ADH6: variants seen among roughly 807,000 people sequenced by gnomAD.
The protein encoded by ADH6 is alcohol dehydrogenase 6 (class V), also known as alcohol dehydrogenase 6.
Under a neutral mutation model 36.5 loss-of-function variants are expected in ADH6, and 34 were observed. The ratio of observed to expected loss-of-function variants is 0.93; its 90% confidence interval spans 0.71 to 1.24. The LOEUF (loss-of-function observed/expected upper bound fraction) is 1.24. Among genes scored for constraint, ADH6 ranks in the 50% most tolerant of loss-of-function variants. ADH6 has a pLI of 0.00. For missense variants in ADH6, 440 were observed against 447.0 expected (o/e 0.98, Z 0.14); for synonymous variants, 161 against 155.5 (o/e 1.04, Z -0.26).
intron 1 of ADH6, 114 bp from the exon 2 acceptor site, chr4:99,216,376 T>A: frequency 1.9e-6 from 1 of 520,548 alleles, no homozygotes; most frequent in Non-Finnish European, 3.1e-6. Flanking sequence ...CTTTCCGCAC[T>A]GCAGAAAAAA....
At chr4:99,213,496 C>T (rs1731297235) in intron 3 of ADH6, 110 bp downstream of exon 3, 5 of 1,069,082 alleles carry the variant, frequency 4.7e-6, no homozygotes, top group Admixed American at 2.9e-5. Context: ...AAGTTGGAAA[C>T]ATTTCACCTT....
rs184884270 is a variant in ADH6, at chr4:99,203,835, G to C, written c.*384C>G. On this transcript the variant is annotated 3_prime_UTR_variant, in exon 9 of 9. Coordinates refer to ENST00000394899, the MANE Select transcript of ADH6 (RefSeq NM_001102470.2). Reference sequence around the variant, plus strand: ...TAATGCGGAGTTTTGTTTCTTTAGAGTAAAATGGCAGAGTTTCATGTCTAG... The same window carrying C: ...TAATGCGGAGTTTTGTTTCTTTAGACTAAAATGGCAGAGTTTCATGTCTAG... 145 of 172,730 alleles carry C rather than the reference G, an allele frequency of 8.4e-4. 1 individual carries two copies. Among genetic ancestry groups the C allele is most frequent in the Non-Finnish European group, 8.3e-4 (68 of 82,112 alleles). The allele number at this position is 172,730 out of a possible 1,614,324, so 10.7% of individuals were successfully genotyped here.
At chr4:99,217,634 C>G (rs967364833) in intron 1 of ADH6, among the ~76,000 whole-genome samples, 1 of 152,092 alleles carries the variant, frequency 6.6e-6, no homozygotes, top group Non-Finnish European at 1.5e-5. Flanking sequence ...GGATACTTAA[C>G]GTTGATTCTA....
At chr4:99,204,873 C>A in intron 8 of ADH6, 52 bp downstream of exon 8, 2 of 1,555,132 alleles carry the variant, frequency 1.3e-6, no homozygotes, top group South Asian at 1.3e-5. Flanking sequence ...GCCAATACAC[C>A]CTTTCTCTTG....
chr4:99,216,332 G>A, intron 1 of ADH6, 70 bp from the exon 2 acceptor site: 6 of 911,766 alleles, frequency 6.6e-6, no homozygotes, highest in Non-Finnish European at 9.7e-6. Context: ...TGCTATATTA[G>A]TGATTATAGA....
chr4:99,207,250 A>C (rs1731066557), intron 7 of ADH6, among the ~76,000 whole-genome samples, 196 bp downstream of exon 7: 1 of 152,040 alleles, frequency 6.6e-6, no homozygotes, highest in Admixed American at 6.6e-5. Flanking sequence ...CTATCTTTGC[A>C]TGAGAAAAAG....
rs180863874 is a variant in ADH6, at chr4:99,210,508, A to G, written c.263-6T>C. ...GAGTGTGATAACTTTGTCACCTAAAAGAGCAAAATCATGTCTTATTAACAT... is the reference window on the plus strand; with the variant it reads ...GAGTGTGATAACTTTGTCACCTAAAGGAGCAAAATCATGTCTTATTAACAT... On this transcript the variant is annotated splice_polypyrimidine_tract_variant and splice_region_variant and intron_variant, in intron 3 of 8. Coordinates refer to ENST00000394899, the MANE Select transcript of ADH6 (RefSeq NM_001102470.2). 1.9e-6 allele frequency: 3 copies of G among 1,593,766 alleles called. No individual in the cohort carries two copies. Among genetic ancestry groups the G allele is most frequent in the Admixed American group, 3.4e-5 (2 of 59,398 alleles).
At chr4:99,209,428 A>G (rs1287329755) in intron 5 of ADH6, among the ~76,000 whole-genome samples, 1 of 151,854 alleles carries the variant, frequency 6.6e-6, no homozygotes, top group South Asian at 2.1e-4. Flanking sequence ...TTTCCATTCT[A>G]TCTCTCTGTA....
At chr4:99,209,795 A>G (rs1222970435) in intron 5 of ADH6, among the ~76,000 whole-genome samples, 1 of 152,178 alleles carries the variant, frequency 6.6e-6, no homozygotes, top group Non-Finnish European at 1.5e-5. Context: ...ATGAAAGGCC[A>G]CAGAGTCATG....
Position 99,208,722 on chromosome 4 carries a change from C to G in ADH6, c.774G>C (p.Met258Ile), listed in dbSNP as rs146063979. 9.3e-6 allele frequency: 15 copies of G among 1,613,732 alleles called. No homozygotes were observed. The highest frequency in any genetic ancestry group is 1.1e-5 in the Non-Finnish European group (13 of 1,179,798). The change falls in exon 6 of 9, where the codon ATG (methionine) becomes ATC (isoleucine). Residue 258 changes from methionine to isoleucine, a missense_variant. Transcript: ENST00000394899. Reference protein sequence around the residue: ...KKPIQEVLFDMTDAGIDFCFE... With the variant: ...KKPIQEVLFDITDAGIDFCFE... ...AGCAGAAGTCTATACCAGCATCTGT[C>G]ATATCAAATAAAACTTCTTGAATGG...
chr4:99,218,458 C>T (rs2110560909), intron 1 of ADH6, among the ~76,000 whole-genome samples: 1 of 152,288 alleles, frequency 6.6e-6, no homozygotes, highest in South Asian at 2.1e-4. Context: ...TATACCATTG[C>T]CATTTGAAAT....
intron 1 of ADH6, 97 bp downstream of exon 1, chr4:99,219,038 A>G: frequency 8.2e-7 from 1 of 1,213,542 alleles, no homozygotes; most frequent in Non-Finnish European, 1.2e-6. Flanking sequence ...CACCTTTAGG[A>G]GCCCAGAGAC....
chr4:99,213,310 A>G (rs535343870), intron 3 of ADH6, among the ~76,000 whole-genome samples: 1 of 152,282 alleles, frequency 6.6e-6, no homozygotes, highest in South Asian at 2.1e-4. Flanking sequence ...TAATTGTTCA[A>G]TAGTTTACCT....
At chr4:99,218,391 C>A (rs1731524209) in intron 1 of ADH6, among the ~76,000 whole-genome samples, 1 of 152,216 alleles carries the variant, frequency 6.6e-6, no homozygotes, top group Non-Finnish European at 1.5e-5. Context: ...GCTGCTAGTA[C>A]TAAAAAAGCT....
chr4:99,205,142 G>A (rs1332401503), intron 7 of ADH6, 79 bp from the exon 8 acceptor site: 2 of 1,440,194 alleles, frequency 1.4e-6, no homozygotes, highest in African/African-American at 1.4e-5. Context: ...AACTGCTGAA[G>A]TTGTTGGCTT....
intron 7 of ADH6, among the ~76,000 whole-genome samples, 158 bp downstream of exon 7, chr4:99,207,288 C>T (rs987483739): frequency 8.6e-5 from 13 of 152,012 alleles, no homozygotes; most frequent in African/African-American, 3.1e-4. Context: ...GATACACCCA[C>T]TATCCATCCC....
intron 8 of ADH6, chr4:99,204,595 C>G (rs1006941672): frequency 6.8e-5 from 80 of 1,173,744 alleles, no homozygotes; most frequent in Middle Eastern, 6.8e-4. Context: ...TGTGAACTAC[C>G]TTCTTATGTT....
chr4:99,205,768 A>C (rs1169046949), intron 7 of ADH6, among the ~76,000 whole-genome samples: 1 of 152,136 alleles, frequency 6.6e-6, no homozygotes, highest in Non-Finnish European at 1.5e-5. Context: ...GCTCATTGCT[A>C]GAAAGGGTGG....
intron 3 of ADH6, among the ~76,000 whole-genome samples, chr4:99,213,266 T>C (rs1731288831): frequency 6.6e-6 from 1 of 152,120 alleles, no homozygotes; most frequent in South Asian, 2.1e-4. Context: ...GTTCCACTAA[T>C]GTGTTTGATT....
Sources: gnomAD v4.1 joint callset for allele counts (sites outside exome capture counted in the v4.1 genomes callset) on GRCh38, gnomAD v4.1.1 for gene constraint, MANE v1.5 for transcripts, NCBI Gene and HGNC (gene_info 2026-07-23, HGNC 2026-07-21) for gene names.